Variants in ADAMTS17 observed in about 807,000 individuals in gnomAD.
ADAMTS17 encodes A disintegrin and metalloproteinase with thrombospondin motifs 17.
A neutral mutation model predicts 141.5 loss-of-function variants in ADAMTS17; 113 were observed. That is an observed-to-expected ratio of 0.80 (90% CI 0.69 to 0.93). The LOEUF is 0.93. Ranked by LOEUF, ADAMTS17 falls within the 40% of genes least tolerant of loss-of-function variation. The pLI, the probability that ADAMTS17 is intolerant of heterozygous loss-of-function variation, is 0.00. For missense variants in ADAMTS17, 1,659 were observed against 1,517.9 expected (o/e 1.09, Z -1.54); for synonymous variants, 768 against 630.6 (o/e 1.22, Z -3.27).
At chr15:100,293,540 C>T (rs1567499464) in intron 3 of ADAMTS17, among the ~76,000 whole-genome samples, 1 of 152,160 alleles carries the variant, frequency 6.6e-6, no homozygotes, top group Non-Finnish European at 1.5e-5. Context: ...ACAGACTGGA[C>T]AGAAGACTGG....
At chr15:100,191,505 G>C (rs1198210247) in intron 8 of ADAMTS17, among the ~76,000 whole-genome samples, 2 of 152,244 alleles carry the variant, frequency 1.3e-5, no homozygotes, top group African/African-American at 4.8e-5. Flanking sequence ...ATCCTCTTTG[G>C]AACAGAGGCT....
At chr15:100,069,759 G>A (rs1211117471) in intron 15 of ADAMTS17, among the ~76,000 whole-genome samples, 2 of 145,838 alleles carry the variant, frequency 1.4e-5, no homozygotes, top group African/African-American at 2.5e-5. Flanking sequence ...AACATGGAAA[G>A]GAACAACTGG....
chr15:100,310,478 G>C (rs1437473481), intron 3 of ADAMTS17, among the ~76,000 whole-genome samples: 3 of 152,210 alleles, frequency 2.0e-5, no homozygotes, highest in Admixed American at 1.3e-4. Context: ...GAAATCCACG[G>C]GACCCCAACC....
chr15:100,155,833 C>T (rs1463878156), intron 8 of ADAMTS17, among the ~76,000 whole-genome samples: 1 of 152,182 alleles, frequency 6.6e-6, no homozygotes, highest in Non-Finnish European at 1.5e-5. Flanking sequence ...CAAGATCACA[C>T]CTGTCACCTT....
At chr15:100,163,291 CAGCA>C (rs1437629114) in intron 8 of ADAMTS17, among the ~76,000 whole-genome samples, 2 of 152,076 alleles carry the variant, frequency 1.3e-5, no homozygotes, top group East Asian at 1.9e-4. Context: ...CTATTCCAGT[CAGCA>C]AGCGTGTGTT....
chr15:100,081,841 T>C (rs2034759846), intron 15 of ADAMTS17, among the ~76,000 whole-genome samples: 1 of 152,252 alleles, frequency 6.6e-6, no homozygotes, highest in African/African-American at 2.4e-5. Flanking sequence ...CCTATACACT[T>C]ATTGACCATT....
Position 100,002,801 on chromosome 15 carries a change from T to A in ADAMTS17, c.2592-5212A>T, listed in dbSNP as rs112666865. On this transcript the variant is annotated intron_variant, in intron 18 of 21. Transcript: ENST00000268070. ...TGCCTCTTCTCTCCTTTGCTTCTTG[T>A]GCCAGAATGGAACATACCTCATGCA... 7.1e-3 allele frequency among the ~76,000 whole-genome samples: 1,074 copies of A among 152,118 alleles called. 31 individuals carry two copies. Among genetic ancestry groups the A allele is most frequent in the African/African-American group, 0.024 (1,006 of 41,416 alleles).
intron 15 of ADAMTS17, among the ~76,000 whole-genome samples, chr15:100,054,354 AG>A (rs2032389501): frequency 6.6e-6 from 1 of 152,106 alleles, no homozygotes; most frequent in African/African-American, 2.4e-5. Flanking sequence ...TTAGGGGTGG[AG>A]GGGCAGGGAA....
At chr15:100,304,214 G>T (rs2045142420) in intron 3 of ADAMTS17, among the ~76,000 whole-genome samples, 1 of 152,152 alleles carries the variant, frequency 6.6e-6, no homozygotes, top group Non-Finnish European at 1.5e-5. Context: ...CAACTTGTCT[G>T]AGTGTCACAT....
intron 12 of ADAMTS17, chr15:100,128,438 G>C (rs1182477165): frequency 6.6e-6 from 1 of 152,202 alleles, no homozygotes; most frequent in African/African-American, 2.4e-5. Flanking sequence ...GGACAACAGA[G>C]ATTGGACGTG....
intron 3 of ADAMTS17, among the ~76,000 whole-genome samples, chr15:100,330,241 C>G (rs1388460490): frequency 6.6e-6 from 1 of 152,196 alleles, no homozygotes; most frequent in Non-Finnish European, 1.5e-5. Flanking sequence ...ATACCCCAGA[C>G]TAAAACAGAT....
intron 10 of ADAMTS17, among the ~76,000 whole-genome samples, chr15:100,144,380 T>C (rs980064413): frequency 6.6e-6 from 1 of 152,006 alleles, no homozygotes; most frequent in African/African-American, 2.4e-5. Flanking sequence ...CAAAACCCTG[T>C]CTCTACTAAA....
At chr15:100,089,516 T>G (rs549062764) in intron 15 of ADAMTS17, among the ~76,000 whole-genome samples, 114 of 151,396 alleles carry the variant, frequency 7.5e-4, no homozygotes, top group Non-Finnish European at 1.5e-3. Context: ...CATGCTGCTA[T>G]AAAGACACAT....
chr15:100,152,749 T>C lies in ADAMTS17; in HGVS notation c.1336A>G (p.Thr446Ala). The change falls in exon 10 of 22, where the codon ACC becomes GCC. Residue 446 changes from threonine (T) to alanine (A), a missense_variant. Physicochemically the swap from Thr to Ala is moderately conservative, Grantham distance 58. Coordinates refer to ENST00000268070, the MANE Select transcript of ADAMTS17 (RefSeq NM_139057.4). ...LENFLKSKVS[T>A]CLLVTDPRSQ... is the part of the protein sequence containing the mutation. ...CTGGGGTCCGTGACTAGCAAGCAGGTGCTGACTTTTGACCTGAAACAGCCG... is the reference window on the plus strand; with the variant it reads ...CTGGGGTCCGTGACTAGCAAGCAGGCGCTGACTTTTGACCTGAAACAGCCG... 2 of 1,614,140 alleles carry C rather than the reference T, an allele frequency of 1.2e-6. No homozygotes were observed. The highest frequency in any genetic ancestry group is 1.7e-6 in the Non-Finnish European group (2 of 1,180,028).
intron 12 of ADAMTS17, chr15:100,129,181 T>G (rs1237541534): frequency 6.6e-6 from 1 of 152,156 alleles, no homozygotes; most frequent in African/African-American, 2.4e-5. Context: ...ACACGTAACG[T>G]GCCAAGAAGA....
At chr15:100,203,962 C>A (rs78064288) in intron 7 of ADAMTS17, among the ~76,000 whole-genome samples, 1 of 151,890 alleles carries the variant, frequency 6.6e-6, no homozygotes, top group Non-Finnish European at 1.5e-5. Flanking sequence ...TTTAATTTAT[C>A]GAGAGAAGAG....
chr15:100,123,981 T>C (rs2037586831), intron 12 of ADAMTS17, among the ~76,000 whole-genome samples: 1 of 152,038 alleles, frequency 6.6e-6, no homozygotes, highest in Admixed American at 6.5e-5. Flanking sequence ...TTTTTTTTTT[T>C]TGGACAGAGT....
intron 7 of ADAMTS17, among the ~76,000 whole-genome samples, chr15:100,247,534 G>A (rs1324534342): frequency 6.6e-6 from 1 of 152,224 alleles, no homozygotes; most frequent in Non-Finnish European, 1.5e-5. Flanking sequence ...GGACGCCAGG[G>A]CTGGGATAAG....
At chr15:99,994,032 C>T (rs565339109) in intron 19 of ADAMTS17, among the ~76,000 whole-genome samples, 7 of 152,228 alleles carry the variant, frequency 4.6e-5, no homozygotes, top group East Asian at 1.9e-4. Flanking sequence ...TCCTGACACG[C>T]CCACCACAGA....
Sources: allele counts gnomAD v4.1 joint callset (sites outside exome capture counted in the v4.1 genomes callset), GRCh38; gene constraint gnomAD v4.1.1; transcripts MANE v1.5; gene names NCBI Gene and HGNC (gene_info 2026-07-23, HGNC 2026-07-21).